The following GPC6 variants were observed in gnomAD, a reference collection of about 807,000 sequenced individuals.
GPC6 encodes glypican-6.
In GPC6, 14 loss-of-function variants were observed where a neutral mutation model predicts 55.2. The ratio of observed to expected loss-of-function variants is 0.25; its 90% confidence interval spans 0.17 to 0.40. GPC6 has a LOEUF of 0.40. Ranked by LOEUF, GPC6 falls within the 10% of genes least tolerant of loss-of-function variation. The pLI, the probability that GPC6 is intolerant of heterozygous loss-of-function variation, is 1.00. For synonymous variants in GPC6, 278 were observed against 259.6 expected (o/e 1.07, Z -0.68); for missense variants, 641 against 708.5 (o/e 0.90, Z 1.08).
At chr13:94,080,942 T>G (rs1885076613) in intron 4 of GPC6, among the ~76,000 whole-genome samples, 1 of 152,200 alleles carries the variant, frequency 6.6e-6, no homozygotes, top group Non-Finnish European at 1.5e-5. Context: ...AGCTCATCAA[T>G]GCCAAAGATG....
intron 3 of GPC6, among the ~76,000 whole-genome samples, chr13:93,986,046 A>T (rs1002208926): frequency 1.3e-5 from 2 of 152,130 alleles, no homozygotes; most frequent in South Asian, 2.1e-4. Context: ...ATAGACACAG[A>T]TCCTCATAGG....
At chr13:93,272,360 T>C (rs1397754563) in intron 1 of GPC6, among the ~76,000 whole-genome samples, 1 of 151,858 alleles carries the variant, frequency 6.6e-6, no homozygotes. Flanking sequence ...TTTTACATTC[T>C]AACTTGCCTT....
chr13:93,700,608 A>G (rs1475950540), intron 2 of GPC6, among the ~76,000 whole-genome samples: 3 of 152,128 alleles, frequency 2.0e-5, no homozygotes, highest in African/African-American at 7.2e-5. Context: ...CATTTTTGGT[A>G]GTGATACATT....
chr13:94,359,853 T>G lies in GPC6; in HGVS notation c.1153-22561T>G, dbSNP rs181692047. Among the ~76,000 whole-genome samples, 66 of 152,362 alleles carry G rather than the reference T, an allele frequency of 4.3e-4. No homozygotes were observed. The East Asian group carries it at 0.012, about 27-fold the overall frequency. ...ATTTGGTTGAATCAGATTTACTGTC[T>G]GGCTTCTCAACCTTATTCCCAAGTA... is the stretch of plus-strand genomic sequence containing the variant. On this transcript the variant is annotated intron_variant, in intron 6 of 8. Transcript: ENST00000377047.
At chr13:93,289,264 T>C (rs1878239082) in intron 1 of GPC6, among the ~76,000 whole-genome samples, 1 of 152,180 alleles carries the variant, frequency 6.6e-6, no homozygotes, top group South Asian at 2.1e-4. Context: ...TGACTCATAT[T>C]CTTTCCCAAC....
intron 5 of GPC6, among the ~76,000 whole-genome samples, chr13:94,296,235 C>T (rs2139098795): frequency 6.6e-6 from 1 of 152,224 alleles, no homozygotes; most frequent in African/African-American, 2.4e-5. Context: ...AAGTGTTCTC[C>T]TTTTGATGAT....
chr13:93,362,245 G>A (rs768956287), intron 1 of GPC6, among the ~76,000 whole-genome samples: 11 of 152,134 alleles, frequency 7.2e-5, no homozygotes, highest in Non-Finnish European at 1.5e-4. Flanking sequence ...AGTTCTTCCT[G>A]GAGAGAATTT....
At chr13:93,872,672 A>C (rs187409663) in intron 3 of GPC6, among the ~76,000 whole-genome samples, 18 of 151,828 alleles carry the variant, frequency 1.2e-4, no homozygotes, top group African/African-American at 4.1e-4. Context: ...CTCTGGGCCC[A>C]CCCATGTGAT....
rs1885114970 is a variant in GPC6 at position 94,081,984 on chromosome 13, G to A, written c.877+54090G>A. On this transcript the variant is annotated intron_variant, in intron 4 of 8. Coordinates refer to ENST00000377047, the MANE Select transcript of GPC6 (RefSeq NM_005708.5). ...GCCTCCCAAGTAGCTGGGACTACAGGCATCCACCACCACGCCTAGCTAATT... is the reference window on the plus strand; with the variant it reads ...GCCTCCCAAGTAGCTGGGACTACAGACATCCACCACCACGCCTAGCTAATT... Among the ~76,000 whole-genome samples the A allele has an allele frequency of 3.3e-5, 5 of 151,930 alleles. No individual in the cohort carries two copies. The South Asian group carries it at 1.0e-3, about 32-fold the overall frequency.
intron 1 of GPC6, among the ~76,000 whole-genome samples, chr13:93,418,445 A>T (rs1876787253): frequency 6.6e-6 from 1 of 151,374 alleles, no homozygotes; most frequent in Admixed American, 6.6e-5. Context: ...TACTTTATTA[A>T]TAGCACTATA....
chr13:93,930,224 C>T (rs981258591), intron 3 of GPC6, among the ~76,000 whole-genome samples: 1 of 148,416 alleles, frequency 6.7e-6, no homozygotes, highest in Admixed American at 6.8e-5. Context: ...CTTATGCTAA[C>T]AGGACAGGAG....
chr13:93,394,089 G>A (rs913731076), intron 1 of GPC6, among the ~76,000 whole-genome samples: 10 of 152,054 alleles, frequency 6.6e-5, no homozygotes, highest in South Asian at 2.1e-4. Flanking sequence ...TCCAAACATC[G>A]AAATTGCTCC....
chr13:93,583,717 C>T lies in GPC6; in HGVS notation c.319+38296C>T, dbSNP rs569706873. 5.3e-5 allele frequency among the ~76,000 whole-genome samples: 8 copies of T among 152,208 alleles called. No individual in the cohort carries two copies. In the South Asian group the frequency reaches 1.7e-3, roughly 32 times the overall value. ...ATGCGTGAACCACCACGCCTGGCCC[C>T]CTCTTTTTAATACTATGAATATTCT... On this transcript the variant is annotated intron_variant, in intron 2 of 8. Coordinates refer to ENST00000377047, the MANE Select transcript of GPC6 (RefSeq NM_005708.5).
At chr13:93,984,208 A>G (rs886528164) in intron 3 of GPC6, among the ~76,000 whole-genome samples, 6 of 152,080 alleles carry the variant, frequency 3.9e-5, no homozygotes, top group Non-Finnish European at 5.9e-5. Flanking sequence ...TCCCAAATGC[A>G]CATCATCACA....
chr13:93,791,794 A>G (rs898781623), intron 2 of GPC6, among the ~76,000 whole-genome samples: 2 of 152,220 alleles, frequency 1.3e-5, no homozygotes, highest in Admixed American at 1.3e-4. Context: ...AAAGAGTTCA[A>G]AGTGATTGTA....
intron 4 of GPC6, among the ~76,000 whole-genome samples, chr13:94,060,484 G>A (rs1884282148): frequency 6.6e-6 from 1 of 152,110 alleles, no homozygotes; most frequent in Non-Finnish European, 1.5e-5. Context: ...TCTCTTAATT[G>A]TTCATTTCAC....
At chr13:94,397,779 G>C (rs1306020912) in intron 7 of GPC6, among the ~76,000 whole-genome samples, 1 of 152,188 alleles carries the variant, frequency 6.6e-6, no homozygotes, top group Non-Finnish European at 1.5e-5. Context: ...GGGATGGAGG[G>C]AGGAAAGAGT....
intron 4 of GPC6, among the ~76,000 whole-genome samples, chr13:94,217,015 A>G (rs1019639424): frequency 1.3e-5 from 2 of 152,290 alleles, no homozygotes; most frequent in South Asian, 4.1e-4. Flanking sequence ...AGATATCAGT[A>G]TGTACCCTGC....
intron 2 of GPC6, among the ~76,000 whole-genome samples, chr13:93,696,474 A>C (rs1205492069): frequency 6.6e-6 from 1 of 152,012 alleles, no homozygotes; most frequent in Non-Finnish European, 1.5e-5. Flanking sequence ...GTTTTATATA[A>C]CTTCATCATT....
Sources: gnomAD v4.1 joint callset for allele counts (sites outside exome capture counted in the v4.1 genomes callset) on GRCh38, gnomAD v4.1.1 for gene constraint, MANE v1.5 for transcripts, NCBI Gene and HGNC (gene_info 2026-07-23, HGNC 2026-07-21) for gene names.